Variants in F8 observed in about 807,000 individuals in gnomAD.
F8 encodes antihemophilic factor.
In F8, 12 loss-of-function variants were observed where a neutral mutation model predicts 140.6. The observed-to-expected ratio is 0.09, with a 90% CI of 0.05 to 0.14. The LOEUF is 0.14. Ranked by LOEUF, F8 falls within the 10% of genes least tolerant of loss-of-function variation. F8 has a pLI of 1.00. For synonymous variants in F8, 585 were observed against 614.6 expected, an observed-to-expected ratio of 0.95 and a Z score of 0.71; for missense variants, 1,354 against 1,720.7, an observed-to-expected ratio of 0.79 and a Z score of 3.77.
intron 1 of F8, among the ~76,000 whole-genome samples, chrX:155,000,880 CA>C (rs1175684565): frequency 1.8e-5 from 2 of 111,120 alleles, no homozygotes; most frequent in Non-Finnish European, 3.8e-5. Flanking sequence ...GAAAGAACCC[CA>C]AATATCATCC....
chrX:154,863,525 G>A (rs2072710187), intron 22 of F8, among the ~76,000 whole-genome samples: 1 of 111,781 alleles, frequency 8.9e-6, no homozygotes, highest in South Asian at 3.8e-4. Flanking sequence ...TGCTACTCCA[G>A]CATGGTCCAC....
intron 5 of F8, 82 bp from the exon 6 acceptor site, chrX:154,984,885 C>T (rs2073550748): frequency 1.2e-5 from 9 of 747,818 alleles, no homozygotes; most frequent in Non-Finnish European, 1.9e-5. Flanking sequence ...TTCCCTGCTC[C>T]CAGTGTGCTC....
intron 6 of F8, among the ~76,000 whole-genome samples, chrX:154,976,766 T>G (rs1176318735): frequency 1.5e-4 from 17 of 112,014 alleles, no homozygotes; most frequent in African/African-American, 5.5e-4. Context: ...TGAGTTCATG[T>G]CCTTTGTAGG....
intron 22 of F8, among the ~76,000 whole-genome samples, chrX:154,872,400 G>A (rs2072780493): frequency 9.0e-6 from 1 of 111,315 alleles, no homozygotes; most frequent in African/African-American, 3.3e-5. Flanking sequence ...TCCTTTGCAG[G>A]GACATGGATG....
intron 14 of F8, among the ~76,000 whole-genome samples, chrX:154,913,740 C>T (rs1309204739): frequency 8.9e-6 from 1 of 112,962 alleles, no homozygotes; most frequent in Non-Finnish European, 1.9e-5. Context: ...AAAAGGCAGG[C>T]TCCCACAGCC....
intron 14 of F8, among the ~76,000 whole-genome samples, chrX:154,920,655 C>T (rs782290279): frequency 9.0e-6 from 1 of 110,708 alleles, no homozygotes; most frequent in South Asian, 3.9e-4. Flanking sequence ...ATCTCACTAT[C>T]CTGCCCAAGT....
intron 13 of F8, among the ~76,000 whole-genome samples, chrX:154,944,231 C>G (rs1286781772): frequency 9.2e-6 from 1 of 109,183 alleles, no homozygotes; most frequent in East Asian, 2.9e-4. Flanking sequence ...AGTGAACAGG[C>G]AACCTACAAA....
At chrX:155,004,722 TTGA>T (rs1244939932) in intron 1 of F8, among the ~76,000 whole-genome samples, 15 of 111,735 alleles carry the variant, frequency 1.3e-4, no homozygotes, top group Admixed American at 9.5e-5. Context: ...CACAGAATAT[TTGA>T]TCTTACATAA....
At chrX:155,015,678 G>A (rs1225652111) in intron 1 of F8, among the ~76,000 whole-genome samples, 1 of 111,180 alleles carries the variant, frequency 9.0e-6, no homozygotes, top group Admixed American at 9.5e-5. Context: ...GAGGAGGAAG[G>A]GTAGCAAGGA....
chrX:154,839,363 AT>A (rs782394922), intron 25 of F8, among the ~76,000 whole-genome samples: 5,506 of 95,216 alleles, frequency 0.058, 250 homozygotes, highest in South Asian at 0.24. Context: ...TTCTGCCTCA[AT>A]TTTTTTTTTT....
chrX:154,854,496 G>C (rs2072637085), intron 25 of F8, among the ~76,000 whole-genome samples: 1 of 111,184 alleles, frequency 9.0e-6, no homozygotes, highest in Admixed American at 9.6e-5. Flanking sequence ...CTTTGAACTG[G>C]AACTACGAAT....
chrX:154,861,101 G>A (rs782736706), intron 24 of F8, among the ~76,000 whole-genome samples: 6 of 109,588 alleles, frequency 5.5e-5, no homozygotes, highest in Non-Finnish European at 1.1e-4. Flanking sequence ...CTGTTGCCTG[G>A]GCTGGAGTGC....
chrX:154,923,895 C>G (rs950862134), intron 14 of F8, among the ~76,000 whole-genome samples: 1 of 111,443 alleles, frequency 9.0e-6, no homozygotes, highest in African/African-American at 3.3e-5. Context: ...TCACTTGAAC[C>G]CGGGAGGTGG....
At chrX:154,914,484 T>C in intron 14 of F8, among the ~76,000 whole-genome samples, 1 of 112,576 alleles carries the variant, frequency 8.9e-6, no homozygotes, top group East Asian at 2.8e-4. Context: ...CACTCTGGAA[T>C]GCTTTGTTGC....
chrX:154,965,777 T>C (rs146258764), intron 9 of F8, 193 bp downstream of exon 9: 10,873 of 428,542 alleles, frequency 0.025, 351 homozygotes, highest in Admixed American at 0.16. Context: ...TCGAGTTTAG[T>C]GGGTGACATT....
Position 154,987,400 on chromosome X carries a change from CAGTA to C in F8, c.602-99_602-96del, listed in dbSNP as rs782658881. 4 of 742,186 alleles carry C rather than the reference CAGTA, an allele frequency of 5.4e-6. No individual in the cohort carries two copies. In the African/African-American group the frequency reaches 6.3e-5, roughly 12 times the overall value. The allele number at this position is 742,186 out of a possible 1,213,427, so 61.2% of individuals were successfully genotyped here. A position where few individuals can be genotyped will look rare whatever the true frequency, so the allele number is the denominator to read the frequency against. ...AGACAGTTCTTCATCAGTTACTTGA[CAGTA>C]AGAACAAATGTAGTCTTCTGTCTCT... On this transcript the variant is annotated intron_variant, in intron 4 of 25. Coordinates refer to ENST00000360256, the MANE Select transcript of F8 (RefSeq NM_000132.4).
At chrX:154,945,649 A>C (rs1378569472) in intron 13 of F8, among the ~76,000 whole-genome samples, 1 of 112,219 alleles carries the variant, frequency 8.9e-6, no homozygotes, top group Non-Finnish European at 1.9e-5. Flanking sequence ...CAAATGTGGA[A>C]AACCAAAAGC....
At chrX:154,963,531 T>C (rs1557281755) in intron 9 of F8, among the ~76,000 whole-genome samples, 1 of 112,115 alleles carries the variant, frequency 8.9e-6, no homozygotes, top group Non-Finnish European at 1.9e-5. Flanking sequence ...TGTGTCTTTA[T>C]AGCAGCATGA....
chrX:154,924,885 C>T (rs1321861106), intron 14 of F8, among the ~76,000 whole-genome samples: 2 of 112,118 alleles, frequency 1.8e-5, no homozygotes, highest in African/African-American at 6.5e-5. Context: ...ATGGCTGTAG[C>T]GGCTGGGACA....
Sources: allele counts gnomAD v4.1 joint callset (sites outside exome capture counted in the v4.1 genomes callset), GRCh38; gene constraint gnomAD v4.1.1; transcripts MANE v1.5; gene names NCBI Gene and HGNC (gene_info 2026-07-23, HGNC 2026-07-21).